The following COL13A1 variants were observed in gnomAD, a reference collection of about 807,000 sequenced individuals.
The protein encoded by COL13A1 is collagen type XIII alpha 1 chain, also known as collagen alpha-1(XIII) chain.
A neutral mutation model predicts 130.9 loss-of-function variants in COL13A1; 89 were observed. The observed-to-expected ratio is 0.68, with a 90% CI of 0.57 to 0.81. The LOEUF (loss-of-function observed/expected upper bound fraction) is 0.81, where lower values mean the gene tolerates loss of function less well. Ranked by LOEUF, COL13A1 falls within the 30% of genes least tolerant of loss-of-function variation. The pLI, the probability that COL13A1 is intolerant of heterozygous loss-of-function variation, is 0.00. For synonymous variants in COL13A1, 402 were observed against 341.6 expected (o/e 1.18, Z -1.95); for missense variants, 879 against 934.6 (o/e 0.94, Z 0.78).
chr10:69,860,298 C>A (rs1857618664), intron 2 of COL13A1, among the ~76,000 whole-genome samples: 1 of 152,208 alleles, frequency 6.6e-6, no homozygotes, highest in Non-Finnish European at 1.5e-5. Context: ...CAGCGGGTGA[C>A]CTTTACAGCC....
intron 1 of COL13A1, among the ~76,000 whole-genome samples, chr10:69,820,071 C>T (rs1845665517): frequency 6.7e-6 from 1 of 149,974 alleles, no homozygotes; most frequent in South Asian, 2.2e-4. Context: ...TGCTCAAAGT[C>T]CCCTCAAAAA....
At chr10:69,906,847 C>T (rs2062810691) in intron 17 of COL13A1, among the ~76,000 whole-genome samples, 1 of 152,116 alleles carries the variant, frequency 6.6e-6, no homozygotes, top group African/African-American at 2.4e-5. Context: ...TCTCCTGCCT[C>T]AGCCTCCTGA....
intron 29 of COL13A1, 119 bp downstream of exon 29, chr10:69,930,206 G>T (rs1432984100): frequency 5.8e-6 from 6 of 1,026,336 alleles, no homozygotes; most frequent in Non-Finnish European, 6.8e-6. Flanking sequence ...AAGGGAAGGG[G>T]AGATGGGGGG....
At chr10:69,903,263 C>T (rs2062385874) in intron 15 of COL13A1, among the ~76,000 whole-genome samples, 1 of 152,254 alleles carries the variant, frequency 6.6e-6, no homozygotes, top group South Asian at 2.1e-4. Flanking sequence ...AGTGAACATG[C>T]CTTCCAGGGG....
At position 69,849,294 on chromosome 10, in the gene COL13A1, G is replaced by A. The variant is rs114854878; in HGVS notation, c.365-18504G>A. 3.9e-3 allele frequency among the ~76,000 whole-genome samples: 593 copies of A among 152,230 alleles called. 4 individuals are homozygous for A. Among genetic ancestry groups the A allele is most frequent in the African/African-American group, 0.014 (565 of 41,558 alleles). Reference sequence around the variant, plus strand: ...CCTGCTTCCTCCAGGAGGGGCCTGGGGGCTGTCATAGAGGCCCAGCTGCCT... The same window carrying A: ...CCTGCTTCCTCCAGGAGGGGCCTGGAGGCTGTCATAGAGGCCCAGCTGCCT... On this transcript the variant is annotated intron_variant, in intron 2 of 40. Coordinates refer to ENST00000645393, the MANE Select transcript of COL13A1 (RefSeq NM_001368882.1).
rs764356703 is a variant in COL13A1 at position 69,930,078 on chromosome 10, T to C, written c.1521T>C (p.Asp507=). The C allele has an allele frequency of 2.6e-5, 42 of 1,613,548 alleles. 1 individual carries two copies. The Admixed American group carries it at 6.5e-4, about 25-fold the overall frequency. The change falls in exon 29 of 41, where the codon GAT becomes GAC. Residue 507 remains aspartate (D), a synonymous_variant. Transcript: ENST00000645393. Reference sequence around the variant, plus strand: ...GACTGCCAGGCCCTCCAGGACACGATGGGGAAAAGGTATGAACAGACGTCC... The same window carrying C: ...GACTGCCAGGCCCTCCAGGACACGACGGGGAAAAGGTATGAACAGACGTCC... The part of the protein sequence containing the change: ...EIGLPGPPGH[D]GEKGPRGKPG...
chr10:69,895,695 A>G lies in COL13A1; in HGVS notation c.684+119A>G, dbSNP rs2061565904. 8.3e-6 allele frequency: 9 copies of G among 1,088,116 alleles called. No individual in the cohort carries two copies. The South Asian group carries it at 1.1e-4, about 13-fold the overall frequency. 67.4% of individuals were successfully genotyped at this position (1,088,116 alleles called of 1,614,324 possible). A position where few individuals can be genotyped will look rare whatever the true frequency, so the allele number is the denominator to read the frequency against. ...TAACAGATCATGGGGGAGCAGGAGC[A>G]CCCACTGCCCTCTGCACTCAGCAGT... On this transcript the variant is annotated intron_variant, in intron 13 of 40. Coordinates refer to ENST00000645393, the MANE Select transcript of COL13A1 (RefSeq NM_001368882.1).
At chr10:69,920,574 GAAGA>G (rs532889881) in intron 21 of COL13A1, among the ~76,000 whole-genome samples, 125 of 152,308 alleles carry the variant, frequency 8.2e-4, no homozygotes, top group African/African-American at 3.0e-3. Flanking sequence ...AGAAGAAGGG[GAAGA>G]AAGAGAGAGA....
At chr10:69,856,386 T>C (rs1419329128) in intron 2 of COL13A1, among the ~76,000 whole-genome samples, 1 of 152,212 alleles carries the variant, frequency 6.6e-6, no homozygotes, top group Non-Finnish European at 1.5e-5. Context: ...ACTTCATTTA[T>C]TTATGTGACC....
intron 18 of COL13A1, 39 bp from the exon 19 acceptor site, chr10:69,918,246 C>T: frequency 6.2e-7 from 1 of 1,606,152 alleles, no homozygotes; most frequent in Non-Finnish European, 8.5e-7. Context: ...CCCCTCGCTG[C>T]AGAATGTCTT....
At chr10:69,940,153 C>G (rs2067433498) in intron 34 of COL13A1, among the ~76,000 whole-genome samples, 1 of 135,654 alleles carries the variant, frequency 7.4e-6, no homozygotes, top group African/African-American at 2.6e-5. Context: ...CCCCGACCCA[C>G]CAACCTTGTA....
intron 20 of COL13A1, among the ~76,000 whole-genome samples, chr10:69,919,337 T>C (rs1223822171): frequency 1.3e-5 from 2 of 152,154 alleles, no homozygotes; most frequent in African/African-American, 4.8e-5. Flanking sequence ...GGGTTCTCTT[T>C]CCCTCTTGTG....
intron 34 of COL13A1, among the ~76,000 whole-genome samples, chr10:69,939,179 G>A (rs972987471): frequency 6.6e-6 from 1 of 152,174 alleles, no homozygotes; most frequent in Non-Finnish European, 1.5e-5. Flanking sequence ...AAACCTGAGG[G>A]AGACACTAGG....
intron 1 of COL13A1, among the ~76,000 whole-genome samples, chr10:69,810,376 G>GAGAGAGAGAGAGAGAGAGACAGAGAC (rs1230051691): frequency 2.2e-5 from 3 of 133,806 alleles, no homozygotes; most frequent in Non-Finnish European, 4.8e-5. Flanking sequence ...GAGAGAGAGA[G>GAGAGAGAGAGAGAGAGAGACAGAGAC]AGAGACAGAG....
chr10:69,823,349 C>T (rs776821695), intron 2 of COL13A1, among the ~76,000 whole-genome samples: 1 of 152,220 alleles, frequency 6.6e-6, no homozygotes, highest in Non-Finnish European at 1.5e-5. Flanking sequence ...AACTAGAATG[C>T]ACTGTACCTC....
chr10:69,916,152 AGT>A (rs1449812249), intron 17 of COL13A1, among the ~76,000 whole-genome samples: 1 of 152,190 alleles, frequency 6.6e-6, no homozygotes, highest in Admixed American at 6.5e-5. Flanking sequence ...GGAAAGGGAG[AGT>A]GTGGACAGCT....
intron 17 of COL13A1, among the ~76,000 whole-genome samples, chr10:69,907,748 AC>A (rs2062929408): frequency 6.9e-6 from 1 of 145,338 alleles, no homozygotes; most frequent in Non-Finnish European, 1.5e-5. Context: ...ACAAACCCAC[AC>A]CCATGATAAC....
intron 2 of COL13A1, among the ~76,000 whole-genome samples, chr10:69,857,412 G>GA (rs200743060): frequency 4.6e-5 from 7 of 151,916 alleles, no homozygotes; most frequent in East Asian, 1.9e-4. Context: ...TAAGGGCCTG[G>GA]TACTGGTTCA....
At chr10:69,856,401 T>C (rs1856445577) in intron 2 of COL13A1, among the ~76,000 whole-genome samples, 1 of 152,212 alleles carries the variant, frequency 6.6e-6, no homozygotes, top group African/African-American at 2.4e-5. Flanking sequence ...GTGACCTGCC[T>C]GGCTCCTTGT....
Sources: gnomAD v4.1 joint callset for allele counts (sites outside exome capture counted in the v4.1 genomes callset) on GRCh38, gnomAD v4.1.1 for gene constraint, MANE v1.5 for transcripts, NCBI Gene and HGNC (gene_info 2026-07-23, HGNC 2026-07-21) for gene names.